Variants in TMEM255B observed in about 807,000 individuals in gnomAD.
TMEM255B encodes the protein family with sequence similarity 70, member B.
TMEM255B carries 35 observed loss-of-function variants against 34.5 expected under a neutral mutation model. That is an observed-to-expected ratio of 1.01 (90% CI 0.77 to 1.34). TMEM255B has a LOEUF of 1.34. Among genes scored for constraint, TMEM255B ranks in the 40% most tolerant of loss-of-function variants. The pLI, the probability that TMEM255B is intolerant of heterozygous loss-of-function variation, is 0.00. For missense variants in TMEM255B, 432 were observed against 433.2 expected (o/e 1.00, Z 0.02); for synonymous variants, 206 against 201.2 (o/e 1.02, Z -0.20).
At chr13:113,771,718 A>G (rs1347409609) in intron 3 of TMEM255B, among the ~76,000 whole-genome samples, 16 of 152,086 alleles carry the variant, frequency 1.1e-4, no homozygotes, top group Admixed American at 1.1e-3. Flanking sequence ...ATAATAATCC[A>G]CTGTATGGAT....
intron 3 of TMEM255B, among the ~76,000 whole-genome samples, chr13:113,787,383 G>A (rs561234712): frequency 2.8e-4 from 42 of 152,334 alleles, no homozygotes; most frequent in African/African-American, 9.6e-4. Context: ...TTCAGTGTGT[G>A]GGGAAGGCTT....
Position 113,811,754 on chromosome 13 carries a change from GT to G in TMEM255B, c.834del (p.Ala279ArgfsTer54). 6.2e-7 allele frequency: 1 copy of G among 1,613,786 alleles called. No individual in the cohort carries two copies. Among genetic ancestry groups the G allele is most frequent in the African/African-American group, 1.3e-5 (1 of 74,960 alleles). ...LPLQPCSRFP[V>X]APSSALASSE... is the part of the protein sequence containing the mutation. ...ATTGCAGCCCTGCAGCCGCTTCCCAGTTGCGCCCTCCTCTGCCCTGGCTTCG... is the reference window on the plus strand; with the variant it reads ...ATTGCAGCCCTGCAGCCGCTTCCCAGTGCGCCCTCCTCTGCCCTGGCTTCG... On this transcript the variant is annotated frameshift_variant, in exon 9 of 9. Coordinates refer to ENST00000375353, the MANE Select transcript of TMEM255B (RefSeq NM_182614.4). LOFTEE classifies it low-confidence loss of function (END_TRUNC).
intron 8 of TMEM255B, among the ~76,000 whole-genome samples, chr13:113,805,531 T>G (rs1246536368): frequency 6.6e-6 from 1 of 152,232 alleles, no homozygotes; most frequent in Non-Finnish European, 1.5e-5. Context: ...GGCCCCTGCC[T>G]GCCTGTCCGA....
At chr13:113,796,793 C>T (rs1256311005) in intron 4 of TMEM255B, among the ~76,000 whole-genome samples, 1 of 152,260 alleles carries the variant, frequency 6.6e-6, no homozygotes, top group African/African-American at 2.4e-5. Context: ...ATTGTTTCTC[C>T]CTCTTTTTCC....
rs759362834 is a variant in TMEM255B at position 113,795,284 on chromosome 13, G to C, written c.342+47G>C. The C allele has an allele frequency of 6.4e-6, 10 of 1,571,392 alleles. No individual in the cohort carries two copies. In the South Asian group the frequency reaches 1.1e-4, roughly 18 times the overall value. On this transcript the variant is annotated intron_variant, in intron 4 of 8. Coordinates refer to ENST00000375353, the MANE Select transcript of TMEM255B (RefSeq NM_182614.4). ...GCACAGTCGCTTTCCGGGGCTGAAA[G>C]AGTCGACGTGAAAAAAGTACAATTT... is the stretch of plus-strand genomic sequence containing the variant.
At position 113,805,618 on chromosome 13, in the gene TMEM255B, C is replaced by A. The variant is rs576391820; in HGVS notation, c.813+590C>A. On this transcript the variant is annotated intron_variant, in intron 8 of 8. Transcript: ENST00000375353. ...GCCATGGGTGAAACAGACCGGGCCACGTTTCTTACCTCGGCACTGTAGGCA... is the reference window on the plus strand; with the variant it reads ...GCCATGGGTGAAACAGACCGGGCCAAGTTTCTTACCTCGGCACTGTAGGCA... 2.2e-3 allele frequency among the ~76,000 whole-genome samples: 337 copies of A among 152,314 alleles called. 1 individual carries two copies. Among genetic ancestry groups the A allele is most frequent in the African/African-American group, 7.6e-3 (315 of 41,562 alleles).
chr13:113,775,855 C>T (rs2050568089), intron 3 of TMEM255B, among the ~76,000 whole-genome samples: 1 of 152,222 alleles, frequency 6.6e-6, no homozygotes, highest in Admixed American at 6.5e-5. Context: ...GGGTGTTTCT[C>T]AGGCCGGTGG....
At chr13:113,773,096 G>C (rs1325424052) in intron 3 of TMEM255B, among the ~76,000 whole-genome samples, 1 of 152,140 alleles carries the variant, frequency 6.6e-6, no homozygotes, top group East Asian at 1.9e-4. Context: ...AGTTCTTAGA[G>C]TATAAGTTTT....
At chr13:113,771,338 G>A (rs1041641129) in intron 3 of TMEM255B, among the ~76,000 whole-genome samples, 4 of 152,164 alleles carry the variant, frequency 2.6e-5, no homozygotes, top group African/African-American at 9.7e-5. Context: ...ACTGCGCATG[G>A]TGTCTTTAAG....
intron 1 of TMEM255B, among the ~76,000 whole-genome samples, chr13:113,764,150 G>A (rs986111539): frequency 2.7e-5 from 4 of 150,034 alleles, no homozygotes; most frequent in East Asian, 1.9e-4. Flanking sequence ...CGTGGGACAC[G>A]GGGACACGGG....
rs528625110 is a variant in TMEM255B, at chr13:113,782,708, G to A, written c.253-12440G>A. On this transcript the variant is annotated intron_variant, in intron 3 of 8. Transcript: ENST00000375353. ...GCTTCATTATGAGCCCCACCTGAAC[G>A]GGGAAGGTGTCCCTGTTGGGAGCCG... 7.9e-5 allele frequency among the ~76,000 whole-genome samples: 12 copies of A among 151,838 alleles called. 1 individual carries two copies. The East Asian group carries it at 2.3e-3, about 30-fold the overall frequency.
In TMEM255B at chr13:113,769,312, G is replaced by A; in HGVS notation, c.252+152G>A. ...AGGTTCCCGGGCTGTGGCCTGCACAGTCCTGGATACAGGGTTCAGCGAGTA... is the reference window on the plus strand; with the variant it reads ...AGGTTCCCGGGCTGTGGCCTGCACAATCCTGGATACAGGGTTCAGCGAGTA... On this transcript the variant is annotated intron_variant, in intron 3 of 8. Transcript: ENST00000375353. This position sits in a 1 kb window ranked among gnomAD's most constrained non-coding sequence, Gnocchi z 4.2. 1.3e-6 allele frequency: 1 copy of A among 787,086 alleles called. No homozygotes were observed. The highest frequency in any genetic ancestry group is 2.1e-6 in the Non-Finnish European group (1 of 472,472). The allele number at this position is 787,086 out of a possible 1,614,324, so 48.8% of individuals were successfully genotyped here. A position where few individuals can be genotyped will look rare whatever the true frequency, so the allele number is the denominator to read the frequency against.
At position 113,801,788 on chromosome 13, in the gene TMEM255B, C is replaced by T. The variant is rs150345948; in HGVS notation, c.645C>T (p.Ala215=). The stretch of plus-strand genomic sequence containing the variant: ...TGTTCCTGGGCATCATCACCGCCGC[C>T]GTCCTGGGGGCCTTCAAGGACATGG... ...LGLFLGIITA[A]VLGAFKDMVP... is the part of the protein sequence containing the mutation. The change falls in exon 7 of 9, where the codon GCC becomes GCT. Residue 215 remains alanine (A), a synonymous_variant. Coordinates refer to ENST00000375353, the MANE Select transcript of TMEM255B (RefSeq NM_182614.4). 701 of 1,611,164 alleles carry T rather than the reference C, an allele frequency of 4.4e-4. 3 individuals carry two copies. The highest frequency in any genetic ancestry group is 1.9e-3 in the Admixed American group (113 of 59,702).
chr13:113,767,222 T>C (rs1411548257), intron 2 of TMEM255B, among the ~76,000 whole-genome samples: 3 of 152,270 alleles, frequency 2.0e-5, no homozygotes, highest in Admixed American at 2.0e-4. Context: ...TATTTCACCA[T>C]TATATTTTCC....
intron 7 of TMEM255B, among the ~76,000 whole-genome samples, chr13:113,802,873 G>A (rs367888415): frequency 6.8e-6 from 1 of 148,106 alleles, no homozygotes; most frequent in African/African-American, 2.5e-5. Flanking sequence ...ACCTCCCAGG[G>A]GTCCTTGCTC....
At chr13:113,786,326 ACCATCC>A (rs1436291887) in intron 3 of TMEM255B, among the ~76,000 whole-genome samples, 2 of 150,978 alleles carry the variant, frequency 1.3e-5, no homozygotes, top group Non-Finnish European at 2.9e-5. Flanking sequence ...CACTGTCATC[ACCATCC>A]CCATCACCAT....
rs970755435 is a variant in TMEM255B, at chr13:113,804,995, C to T, written c.780C>T (p.Val260=). Residue 260 remains valine (V), a synonymous_variant, in exon 8 of 9, where the codon GTC becomes GTT. Coordinates refer to ENST00000375353, the MANE Select transcript of TMEM255B (RefSeq NM_182614.4). The part of the protein sequence containing the change: ...YAGFRLTPEP[V]PTCSSYPLPL... ...GCTTCCGCCTGACGCCCGAGCCCGT[C>T]CCGACCTGCTCGTCCTACCCTCTGC... 1 of 1,605,840 alleles carries T rather than the reference C, an allele frequency of 6.2e-7. No homozygotes were observed. The highest frequency in any genetic ancestry group is 1.1e-5 in the South Asian group (1 of 90,720).
intron 4 of TMEM255B, 149 bp downstream of exon 4, chr13:113,795,386 C>G (rs1267959559): frequency 6.6e-6 from 5 of 759,998 alleles, no homozygotes; most frequent in Non-Finnish European, 8.6e-6. Flanking sequence ...TCTCTCCTCT[C>G]AGTAAGTCTC....
At chr13:113,786,269 A>G (rs577687124) in intron 3 of TMEM255B, among the ~76,000 whole-genome samples, 1 of 149,946 alleles carries the variant, frequency 6.7e-6, no homozygotes, top group South Asian at 2.1e-4. Context: ...CATCACTGTC[A>G]TCACCATTGT....
Sources: allele counts gnomAD v4.1 joint callset (sites outside exome capture counted in the v4.1 genomes callset), GRCh38; gene constraint gnomAD v4.1.1; non-coding constraint Gnocchi (gnomAD v3.1); transcripts MANE v1.5; gene names NCBI Gene and HGNC (gene_info 2026-07-23, HGNC 2026-07-21).